MTMR12: variants seen among roughly 807,000 people sequenced by gnomAD.
The protein encoded by MTMR12 is myotubularin related protein 12.
Under a neutral mutation model 96.7 loss-of-function variants are expected in MTMR12, and 33 were observed. That is an observed-to-expected ratio of 0.34 (90% CI 0.26 to 0.46). The LOEUF is 0.46. MTMR12 is among the 20% of genes least tolerant of loss of function. The pLI, the probability that MTMR12 is intolerant of heterozygous loss-of-function variation, is 1.00. For missense variants in MTMR12, 721 were observed against 896.1 expected, an observed-to-expected ratio of 0.80 and a Z score of 2.49; for synonymous variants, 298 against 327.2, an observed-to-expected ratio of 0.91 and a Z score of 0.96.
intron 13 of MTMR12, among the ~76,000 whole-genome samples, 162 bp from the exon 14 acceptor site, chr5:32,235,291 T>G (rs1043291848): frequency 6.6e-6 from 1 of 152,192 alleles, no homozygotes; most frequent in Non-Finnish European, 1.5e-5. Context: ...AGAAATATGC[T>G]CAACTGAAAT....
At chr5:32,235,202 A>G (rs1262914237) in intron 13 of MTMR12, 73 bp from the exon 14 acceptor site, 24 of 1,421,734 alleles carry the variant, frequency 1.7e-5, no homozygotes, top group South Asian at 1.5e-4. Context: ...GGGGGCAGCC[A>G]CCTCAACAGC....
At chr5:32,257,173 T>TA (rs1749172305) in intron 7 of MTMR12, among the ~76,000 whole-genome samples, 1 of 151,608 alleles carries the variant, frequency 6.6e-6, no homozygotes, top group Non-Finnish European at 1.5e-5. Flanking sequence ...ACAAAAAAAT[T>TA]AAAAAAAATT....
rs1287588460 is a variant in MTMR12, at chr5:32,263,224, T to A, written c.602A>T (p.His201Leu). 18 of 1,614,038 alleles carry A rather than the reference T, an allele frequency of 1.1e-5. No individual in the cohort carries two copies. In the Admixed American group the frequency reaches 2.7e-4, roughly 24 times the overall value. The change falls in exon 7 of 16, where the codon CAT (histidine) becomes CTT (leucine). Residue 201 changes from histidine to leucine, a missense_variant. His to Leu is a moderately conservative substitution (Grantham distance 99, BLOSUM62 -3). Transcript: ENST00000382142. ...QNNTVTDPKN[H>L]TVMFDTLKDW... ...CTTAAGTGTGTCAAACATTACGGTA[T>A]GGTTCTTGGGATCAGTGACTAAGAG...
In MTMR12 at chr5:32,230,315, T is replaced by C. The variant is rs1322549780; in HGVS notation, c.1707A>G (p.Gln569=). ...HQRQLSLPLT[Q]SKSSPKRGFF... is the part of the protein sequence containing the mutation. ...ATCCTCTTTTGGGAGATGACTTAGA[T>C]TGTGTAAGTGGCAAAGAAAGTTGTC... Residue 569 remains glutamine (Q), a synonymous_variant, in exon 16 of 16, where the codon CAA becomes CAG. Transcript: ENST00000382142. 5 of 1,609,144 alleles carry C rather than the reference T, an allele frequency of 3.1e-6. No homozygotes were observed. Among genetic ancestry groups the C allele is most frequent in the Non-Finnish European group, 4.2e-6 (5 of 1,178,748 alleles).
At chr5:32,294,830 C>T (rs1204243499) in intron 1 of MTMR12, among the ~76,000 whole-genome samples, 4 of 152,178 alleles carry the variant, frequency 2.6e-5, no homozygotes, top group Non-Finnish European at 5.9e-5. Context: ...TTCTTCAATC[C>T]TATGCATAGC....
At position 32,239,036 on chromosome 5, in the gene MTMR12, G is replaced by A; in HGVS notation, c.1309C>T (p.Arg437Cys). The A allele has an allele frequency of 1.9e-6, 3 of 1,607,130 alleles. No homozygotes were observed. Among genetic ancestry groups the A allele is most frequent in the Non-Finnish European group, 2.6e-6 (3 of 1,176,292 alleles). ...WVMGGHCFLD[R>C]CNHLRQNDKE... The stretch of plus-strand genomic sequence containing the variant: ...TCGTTCTGGCGGAGATGGTTGCAGC[G>A]ATCCAAGAAACAGTGGCCACCCATG... The change falls in exon 13 of 16, where the codon CGC becomes TGC. Residue 437 changes from arginine (R) to cysteine (C), a missense_variant. Transcript: ENST00000382142.
rs1181732679 is a variant in MTMR12 at position 32,229,862 on chromosome 5, T to C, written c.2160A>G (p.Leu720=). The C allele has an allele frequency of 1.6e-5, 26 of 1,607,822 alleles. No individual in the cohort carries two copies. The highest frequency in any genetic ancestry group is 2.0e-5 in the Non-Finnish European group (24 of 1,176,966). The change falls in exon 16 of 16, where the codon TTA becomes TTG. Residue 720 remains leucine, a synonymous_variant. Transcript: ENST00000382142. ...CCAAAGCTTTCCAGCCACTGGTGGG[T>C]AAGACGGGCTTAGAGGAATGTCGCT... ...LLQRHSSKPV[L]PTSGWKALGD... is the part of the protein sequence containing the mutation.
At chr5:32,305,090 ATTCT>A (rs902560891) in intron 1 of MTMR12, among the ~76,000 whole-genome samples, 8 of 152,040 alleles carry the variant, frequency 5.3e-5, no homozygotes, top group Admixed American at 4.6e-4. Flanking sequence ...AAGGCTATGA[ATTCT>A]TTCTTTTTTT....
At chr5:32,261,406 C>A (rs1255090844) in intron 7 of MTMR12, among the ~76,000 whole-genome samples, 3 of 152,056 alleles carry the variant, frequency 2.0e-5, no homozygotes, top group Non-Finnish European at 4.4e-5. Context: ...CCTCCCTCCA[C>A]CTGGAATGCT....
chr5:32,281,253 AAAAAAAAAAAAC>A (rs1432383852), intron 1 of MTMR12, among the ~76,000 whole-genome samples: 21 of 150,180 alleles, frequency 1.4e-4, no homozygotes, highest in Admixed American at 1.1e-3. Flanking sequence ...ATCATTAAAA[AAAAAAAAAAAAC>A]AAAAAAAACT....
chr5:32,278,038 T>A (rs1036470945), intron 1 of MTMR12, among the ~76,000 whole-genome samples: 1 of 152,178 alleles, frequency 6.6e-6, no homozygotes, highest in Admixed American at 6.5e-5. Context: ...AAAAATATAT[T>A]CAAATGCCTC....
At chr5:32,294,196 G>A (rs909152561) in intron 1 of MTMR12, among the ~76,000 whole-genome samples, 2 of 152,198 alleles carry the variant, frequency 1.3e-5, no homozygotes, top group African/African-American at 4.8e-5. Flanking sequence ...TTCAGGTCCT[G>A]TGAGGCTTTC....
At position 32,255,707 on chromosome 5, in the gene MTMR12, C is replaced by G. The variant is rs200587545; in HGVS notation, c.775G>C (p.Gly259Arg). The change falls in exon 8 of 16, where the codon GGT becomes CGT. Residue 259 changes from glycine (G) to arginine (R), a missense_variant. Physicochemically the swap from Gly to Arg is moderately radical, Grantham distance 125. Transcript: ENST00000382142. Reference protein sequence around the residue: ...LPEENVQRFQGHGIPIWCWSC... With the variant: ...LPEENVQRFQRHGIPIWCWSC... ...GATGCACTTACTGGTATGCCATGAC[C>G]CTGAAAGCGCTGCACATTCTCTTCA... is the stretch of plus-strand genomic sequence containing the variant. The G allele has an allele frequency of 1.2e-6, 2 of 1,611,740 alleles. No homozygotes were observed. The highest frequency in any genetic ancestry group is 4.5e-5 in the East Asian group (2 of 44,808).
intron 1 of MTMR12, among the ~76,000 whole-genome samples, chr5:32,285,808 C>A (rs1750520820): frequency 6.6e-6 from 1 of 152,128 alleles, no homozygotes; most frequent in Non-Finnish European, 1.5e-5. Context: ...AGGAGACACA[C>A]CTGCTGGAAC....
intron 1 of MTMR12, among the ~76,000 whole-genome samples, chr5:32,299,837 C>G (rs1312534883): frequency 5.9e-5 from 9 of 152,190 alleles, no homozygotes; most frequent in Admixed American, 6.5e-5. Context: ...GTCACCCAGT[C>G]CTAACACAGC....
At position 32,243,997 on chromosome 5, in the gene MTMR12, G is replaced by A. The variant is rs575058752; in HGVS notation, c.1022-398C>T. Among the ~76,000 whole-genome samples the A allele has an allele frequency of 1.1e-4, 16 of 152,294 alleles. No individual in the cohort carries two copies. In the South Asian group the frequency reaches 3.1e-3, roughly 30 times the overall value. On this transcript the variant is annotated intron_variant, in intron 10 of 15. Coordinates refer to ENST00000382142, the MANE Select transcript of MTMR12 (RefSeq NM_001040446.3). Reference sequence around the variant, plus strand: ...GATGCCACGGAAGCCTAAGGGTCAGGCTTAACTTTCATTAGAATCTCAATG... The same window carrying A: ...GATGCCACGGAAGCCTAAGGGTCAGACTTAACTTTCATTAGAATCTCAATG...
intron 1 of MTMR12, among the ~76,000 whole-genome samples, chr5:32,286,769 G>T (rs1309778635): frequency 6.6e-6 from 1 of 152,208 alleles, no homozygotes; most frequent in Non-Finnish European, 1.5e-5. Flanking sequence ...TACCTGACAA[G>T]GGTTTATCTG....
intron 1 of MTMR12, among the ~76,000 whole-genome samples, chr5:32,284,199 T>A (rs1750428101): frequency 6.7e-6 from 1 of 150,202 alleles, no homozygotes; most frequent in African/African-American, 2.5e-5. Context: ...GTGCCTGTAG[T>A]CCCAGTTACT....
At chr5:32,290,571 C>G (rs957102081) in intron 1 of MTMR12, among the ~76,000 whole-genome samples, 2 of 152,198 alleles carry the variant, frequency 1.3e-5, no homozygotes, top group African/African-American at 2.4e-5. Context: ...GCAACATATT[C>G]TTCGTTTGAG....
Sources: allele counts gnomAD v4.1 joint callset (sites outside exome capture counted in the v4.1 genomes callset), GRCh38; gene constraint gnomAD v4.1.1; transcripts MANE v1.5; gene names NCBI Gene and HGNC (gene_info 2026-07-23, HGNC 2026-07-21).